The following MAPKBP1 variants were observed in gnomAD, a reference collection of about 807,000 sequenced individuals.
MAPKBP1 encodes mitogen-activated protein kinase-binding protein 1.
A neutral mutation model predicts 170.5 loss-of-function variants in MAPKBP1; 71 were observed. The observed-to-expected ratio is 0.42, with a 90% CI of 0.34 to 0.51. MAPKBP1 has a LOEUF of 0.51. Ranked by LOEUF, MAPKBP1 falls within the 20% of genes least tolerant of loss-of-function variation. The pLI is 0.06. For missense variants in MAPKBP1, 1,598 were observed against 1,933.0 expected, an observed-to-expected ratio of 0.83 and a Z score of 3.25; for synonymous variants, 719 against 757.9, an observed-to-expected ratio of 0.95 and a Z score of 0.84.
chr15:41,780,196 G>T (rs2064162063), intron 2 of MAPKBP1, among the ~76,000 whole-genome samples: 1 of 152,146 alleles, frequency 6.6e-6, no homozygotes, highest in Non-Finnish European at 1.5e-5. Context: ...TTTAGGGCAG[G>T]TTCCCTTCTT....
intron 2 of MAPKBP1, among the ~76,000 whole-genome samples, chr15:41,786,777 A>AAAAATATAT: frequency 1.0e-3 from 33 of 32,440 alleles, no homozygotes; most frequent in Non-Finnish European, 1.2e-3. Context: ...AAAAAAAAAA[A>AAAAATATAT]ATATATATAT....
intron 3 of MAPKBP1, among the ~76,000 whole-genome samples, chr15:41,802,133 T>C (rs527810172): frequency 7.2e-5 from 11 of 152,294 alleles, no homozygotes; most frequent in African/African-American, 1.7e-4. Flanking sequence ...TATTTAAACA[T>C]AGAAAAAGTA....
Position 41,818,638 on chromosome 15 carries a change from G to C in MAPKBP1, c.2156+56G>C, listed in dbSNP as rs952903425. On this transcript the variant is annotated intron_variant, in intron 19 of 30. Coordinates refer to ENST00000457542, the MANE Select transcript of MAPKBP1 (RefSeq NM_014994.3). This position sits in a 1 kb window ranked among gnomAD's most constrained non-coding sequence, Gnocchi z 5.2. The stretch of plus-strand genomic sequence containing the variant: ...GATTCTTACTCTGCCACAGCACCCT[G>C]CCCTCCCCTCTCTCCATTTCAGTGA... 1 of 1,553,034 alleles carries C rather than the reference G, an allele frequency of 6.4e-7. No individual in the cohort carries two copies. The highest frequency in any genetic ancestry group is 8.8e-7 in the Non-Finnish European group (1 of 1,135,532).
Position 41,817,767 on chromosome 15 carries a change from T to A in MAPKBP1, c.1904+32T>A. 6.2e-7 allele frequency: 1 copy of A among 1,605,698 alleles called. No individual in the cohort carries two copies. The highest frequency in any genetic ancestry group is 1.1e-5 in the South Asian group (1 of 90,116). ...GTCCCCTCCTCAGACTCTGCCCACATTCCTTCATCTCCCTACGGGGTCAGC... is the reference window on the plus strand; with the variant it reads ...GTCCCCTCCTCAGACTCTGCCCACAATCCTTCATCTCCCTACGGGGTCAGC... On this transcript the variant is annotated intron_variant, in intron 16 of 30. Coordinates refer to ENST00000457542, the MANE Select transcript of MAPKBP1 (RefSeq NM_014994.3). The surrounding 1 kb of genome is among the most constrained non-coding windows in gnomAD (Gnocchi z 4.2).
At chr15:41,811,097 C>G (rs987590679) in intron 4 of MAPKBP1, 81 bp from the exon 5 acceptor site, 108 of 1,571,164 alleles carry the variant, frequency 6.9e-5, no homozygotes, top group Non-Finnish European at 9.0e-5. Flanking sequence ...GTCTGCTGGT[C>G]TCACCTTTTG....
Position 41,825,301 on chromosome 15 carries a change from TGTGG to T in MAPKBP1, c.4393_4396del (p.Val1465LeufsTer53). The T allele has an allele frequency of 1.2e-6, 2 of 1,613,288 alleles. No individual in the cohort carries two copies. The highest frequency in any genetic ancestry group is 1.7e-6 in the Non-Finnish European group (2 of 1,179,696). ...CTTCAGTGCGACAGGAGCTGGAAGC[TGTGG>T]CTGGGGCAGTGCTGTCCAGCCCAGG... On this transcript the variant is annotated frameshift_variant, in exon 31 of 31. Coordinates refer to ENST00000457542, the MANE Select transcript of MAPKBP1 (RefSeq NM_014994.3). LOFTEE classifies it high-confidence loss of function.
intron 2 of MAPKBP1, among the ~76,000 whole-genome samples, chr15:41,782,798 A>G (rs1260189039): frequency 1.3e-5 from 2 of 152,180 alleles, no homozygotes; most frequent in African/African-American, 4.8e-5. Context: ...AGAGGGGGAA[A>G]AAAAAGGGAC....
intron 3 of MAPKBP1, among the ~76,000 whole-genome samples, chr15:41,807,497 A>G (rs1242938967): frequency 6.6e-6 from 1 of 152,180 alleles, no homozygotes; most frequent in Non-Finnish European, 1.5e-5. Context: ...AATTAGATCA[A>G]CTCTCAGCTG....
At chr15:41,809,836 C>A (rs769083772) in intron 3 of MAPKBP1, among the ~76,000 whole-genome samples, 15 of 152,260 alleles carry the variant, frequency 9.9e-5, no homozygotes, top group Non-Finnish European at 1.9e-4. Context: ...TTGCCCCCAC[C>A]TTCTCTGTGA....
At chr15:41,814,944 C>A (rs773063003) in intron 10 of MAPKBP1, among the ~76,000 whole-genome samples, 7 of 152,206 alleles carry the variant, frequency 4.6e-5, no homozygotes, top group Non-Finnish European at 7.3e-5. Flanking sequence ...TTGCCTCGGT[C>A]ATCTTGGACA....
intron 29 of MAPKBP1, 44 bp from the exon 30 acceptor site, chr15:41,824,440 G>T: frequency 6.5e-7 from 1 of 1,530,594 alleles, no homozygotes; most frequent in South Asian, 1.2e-5. Flanking sequence ...AGGCCTGAAA[G>T]GGCTACATGC....
At chr15:41,800,011 G>A (rs772916187) in intron 3 of MAPKBP1, 97 bp downstream of exon 3, 6 of 982,412 alleles carry the variant, frequency 6.1e-6, no homozygotes, top group Non-Finnish European at 8.1e-6. Context: ...TCTTCTGGAA[G>A]ATAGATACAG....
chr15:41,774,999 T>TC (rs1246587271), intron 1 of MAPKBP1, 168 bp from the exon 2 acceptor site: 72 of 476,910 alleles, frequency 1.5e-4, no homozygotes, highest in Non-Finnish European at 1.3e-4. Flanking sequence ...CTTAGGATTT[T>TC]CCCCCCCTTT....
rs750970228 is a variant in MAPKBP1, at chr15:41,819,404, CAG to C, written c.2425+27_2425+28del. Reference sequence around the variant, plus strand: ...GGTCTGTGGCAGTTGGGTGTGGGGGCAGACAGGCCCTAGTTGGTATAATGGCT... The same window carrying C: ...GGTCTGTGGCAGTTGGGTGTGGGGGCACAGGCCCTAGTTGGTATAATGGCT... On this transcript the variant is annotated intron_variant, in intron 21 of 30. Coordinates refer to ENST00000457542, the MANE Select transcript of MAPKBP1 (RefSeq NM_014994.3). The C allele has an allele frequency of 3.7e-6, 6 of 1,612,790 alleles. No individual in the cohort carries two copies. In the South Asian group the frequency reaches 5.5e-5, roughly 15 times the overall value.
chr15:41,808,105 CTTT>C (rs544983500), intron 3 of MAPKBP1, among the ~76,000 whole-genome samples: 28 of 109,430 alleles, frequency 2.6e-4, no homozygotes, highest in African/African-American at 4.9e-4. Flanking sequence ...TTCTTTCTTT[CTTT>C]TTTTTTTTTT....
intron 27 of MAPKBP1, 98 bp downstream of exon 27, chr15:41,822,775 G>C: frequency 6.6e-7 from 1 of 1,504,344 alleles, no homozygotes; most frequent in Non-Finnish European, 9.2e-7. Context: ...TCCATGCGCG[G>C]GGTGTTTTGC....
chr15:41,823,411 A>G, intron 28 of MAPKBP1, 36 bp from the exon 29 acceptor site: 1 of 1,579,650 alleles, frequency 6.3e-7, no homozygotes, highest in Non-Finnish European at 8.6e-7. Flanking sequence ...GCCTTCCTCA[A>G]CACCTGACCT....
chr15:41,819,431 T>A (rs1367657867), intron 21 of MAPKBP1, 52 bp downstream of exon 21: 65 of 1,606,980 alleles, frequency 4.0e-5, no homozygotes, highest in Non-Finnish European at 5.4e-5. Flanking sequence ...GTATAATGGC[T>A]AGATATGGTT....
At chr15:41,825,004 C>T (rs555300947) in intron 30 of MAPKBP1, 38 of 547,754 alleles carry the variant, frequency 6.9e-5, no homozygotes, top group Non-Finnish European at 1.0e-4. Context: ...AAGATGTAGA[C>T]GGTTCTGCAA....
Sources: gnomAD v4.1 joint callset for allele counts (sites outside exome capture counted in the v4.1 genomes callset) on GRCh38, gnomAD v4.1.1 for gene constraint, Gnocchi (gnomAD v3.1) non-coding constraint, MANE v1.5 for transcripts, NCBI Gene and HGNC (gene_info 2026-07-23, HGNC 2026-07-21) for gene names.